DISC1: variants seen among roughly 807,000 people sequenced by gnomAD.
The protein encoded by DISC1 is DISC1 scaffold protein.
In DISC1, 57 loss-of-function variants were observed where a neutral mutation model predicts 84.5. The observed-to-expected ratio is 0.67, with a 90% CI of 0.55 to 0.84. The LOEUF is 0.84. DISC1 is among the 40% of genes least tolerant of loss of function. DISC1 has a pLI of 0.00. For synonymous variants in DISC1, 411 were observed against 415.2 expected (o/e 0.99, Z 0.12); for missense variants, 1,000 against 1,057.8 (o/e 0.95, Z 0.76).
chr1:231,636,649 T>C (rs1044214901), intron 1 of DISC1, among the ~76,000 whole-genome samples: 3 of 152,194 alleles, frequency 2.0e-5, no homozygotes, highest in East Asian at 1.9e-4. Context: ...ATAAAAGATA[T>C]TGTTATTACC....
At chr1:231,792,182 A>G (rs1359847493) in intron 6 of DISC1, among the ~76,000 whole-genome samples, 2 of 152,248 alleles carry the variant, frequency 1.3e-5, no homozygotes, top group African/African-American at 4.8e-5. Context: ...GGAATATAGC[A>G]TAAATTAATT....
At chr1:231,969,755 C>T (rs1572407473) in intron 10 of DISC1, among the ~76,000 whole-genome samples, 1 of 152,084 alleles carries the variant, frequency 6.6e-6, no homozygotes, top group Admixed American at 6.5e-5. Flanking sequence ...CCCTCTCCCC[C>T]CACCCCATGA....
At chr1:231,946,356 A>G (rs1321771754) in intron 9 of DISC1, among the ~76,000 whole-genome samples, 14 of 152,206 alleles carry the variant, frequency 9.2e-5, no homozygotes, top group Non-Finnish European at 1.5e-5. Context: ...ACCAATGACA[A>G]AAAACACATT....
chr1:231,969,186 GTT>G (rs71573149), intron 10 of DISC1, among the ~76,000 whole-genome samples: 2 of 91,646 alleles, frequency 2.2e-5, no homozygotes, highest in Non-Finnish European at 4.1e-5. Context: ...ACACTCAGCG[GTT>G]TTTTTTTTTT....
At chr1:231,749,118 G>A (rs150514027) in intron 3 of DISC1, among the ~76,000 whole-genome samples, 14 of 152,252 alleles carry the variant, frequency 9.2e-5, no homozygotes, top group African/African-American at 3.1e-4. Context: ...GCTGCCTTTC[G>A]GGACTGCCAT....
intron 1 of DISC1, 116 bp downstream of exon 1, chr1:231,627,050 T>C (rs1303335261): frequency 1.5e-6 from 1 of 661,798 alleles, no homozygotes; most frequent in East Asian, 3.4e-5. Context: ...ACAACCCCTT[T>C]CGAGGTGAGG....
Position 231,626,901 on chromosome 1 carries a change from G to A in DISC1, c.34G>A (p.Ala12Thr). The A allele has an allele frequency of 6.7e-7, 1 of 1,499,238 alleles. No individual in the cohort carries two copies. The highest frequency in any genetic ancestry group is 8.8e-7 in the Non-Finnish European group (1 of 1,132,622). 92.9% of individuals were successfully genotyped at this position (1,499,238 alleles called of 1,614,324 possible). A position where few individuals can be genotyped will look rare whatever the true frequency, so the allele number is the denominator to read the frequency against. The stretch of plus-strand genomic sequence containing the variant: ...CGGGGGTCCTCAGGGCGCCCCAGCC[G>A]CCGCCGGCGGCGGCGGCGTGAGCCA... ...PGGGPQGAPA[A>T]AGGGGVSHRA... Residue 12 changes from alanine to threonine, a missense_variant, in exon 1 of 13, where the codon GCC (alanine) becomes ACC (threonine). Coordinates refer to ENST00000439617, the MANE Select transcript of DISC1 (RefSeq NM_018662.3).
chr1:231,889,074 G>T (rs1014665998), intron 9 of DISC1, among the ~76,000 whole-genome samples: 1 of 152,190 alleles, frequency 6.6e-6, no homozygotes, highest in Admixed American at 6.5e-5. Context: ...CACTCTTTCT[G>T]CAGAAGAAGA....
At chr1:232,007,770 G>A in intron 10 of DISC1, among the ~76,000 whole-genome samples, 1 of 152,106 alleles carries the variant, frequency 6.6e-6, no homozygotes, top group East Asian at 1.9e-4. Context: ...TTTGAGAGGG[G>A]CTGGGGTGAA....
chr1:231,770,733 T>C (rs1037928310), intron 5 of DISC1, 102 bp from the exon 6 acceptor site: 2 of 1,543,876 alleles, frequency 1.3e-6, no homozygotes, highest in East Asian at 2.4e-5. Context: ...TTTGTAGTTC[T>C]GGTGCATATG....
At chr1:231,642,095 C>T (rs1260843038) in intron 1 of DISC1, among the ~76,000 whole-genome samples, 5 of 152,198 alleles carry the variant, frequency 3.3e-5, no homozygotes, top group South Asian at 2.1e-4. Flanking sequence ...CCCTGCCCCG[C>T]GGGAAGGCAG....
At chr1:231,923,103 C>T (rs779815498) in intron 9 of DISC1, among the ~76,000 whole-genome samples, 2 of 151,722 alleles carry the variant, frequency 1.3e-5, no homozygotes, top group Admixed American at 1.3e-4. Flanking sequence ...TGGTGAAACC[C>T]CGTCTCTACT....
At chr1:231,695,191 C>T (rs202112655) in intron 2 of DISC1, among the ~76,000 whole-genome samples, 1 of 152,204 alleles carries the variant, frequency 6.6e-6, no homozygotes, top group Non-Finnish European at 1.5e-5. Flanking sequence ...GGGATGCCCT[C>T]TATCAGGGCG....
At chr1:231,865,721 G>A (rs1025192730) in intron 9 of DISC1, among the ~76,000 whole-genome samples, 3 of 152,060 alleles carry the variant, frequency 2.0e-5, no homozygotes, top group East Asian at 1.9e-4. Context: ...TTTGTGATAC[G>A]ATATTTTCTT....
At chr1:231,890,917 T>C (rs1189284038) in intron 9 of DISC1, among the ~76,000 whole-genome samples, 1 of 152,182 alleles carries the variant, frequency 6.6e-6, no homozygotes, top group Non-Finnish European at 1.5e-5. Flanking sequence ...TAATAGTTAA[T>C]GCTATGCTCA....
chr1:231,757,029 G>A (rs950628510), intron 4 of DISC1, among the ~76,000 whole-genome samples: 2 of 152,088 alleles, frequency 1.3e-5, no homozygotes, highest in Non-Finnish European at 2.9e-5. Context: ...GACAGAAACC[G>A]CTCTCACAGG....
intron 12 of DISC1, among the ~76,000 whole-genome samples, chr1:232,030,958 C>G (rs1669958974): frequency 1.3e-5 from 2 of 152,010 alleles, no homozygotes; most frequent in East Asian, 3.9e-4. Flanking sequence ...ATTAAAAATA[C>G]AAAAATTAAC....
chr1:231,696,920 G>A (rs879335627), intron 2 of DISC1, among the ~76,000 whole-genome samples: 1 of 152,158 alleles, frequency 6.6e-6, no homozygotes, highest in African/African-American at 2.4e-5. Context: ...ATTAAGTAAC[G>A]CTAGGCTGTA....
At chr1:231,808,560 G>A (rs550818397) in intron 8 of DISC1, among the ~76,000 whole-genome samples, 1 of 152,360 alleles carries the variant, frequency 6.6e-6, no homozygotes, top group Admixed American at 6.5e-5. Flanking sequence ...TCCCAGAACA[G>A]CTAGCAAACC....
Sources: gnomAD v4.1 joint callset for allele counts (sites outside exome capture counted in the v4.1 genomes callset) on GRCh38, gnomAD v4.1.1 for gene constraint, MANE v1.5 for transcripts, NCBI Gene and HGNC (gene_info 2026-07-23, HGNC 2026-07-21) for gene names.